Variants in EXOC6B observed in about 807,000 individuals in gnomAD.
EXOC6B encodes exocyst complex component 6B.
A neutral mutation model predicts 113.5 loss-of-function variants in EXOC6B; 54 were observed. The ratio of observed to expected loss-of-function variants is 0.48; its 90% CI spans 0.38 to 0.60. The LOEUF is 0.60. Among genes scored for constraint, EXOC6B ranks in the 20% least tolerant of loss-of-function variants. The pLI is 0.00. For synonymous variants in EXOC6B, 357 were observed against 339.0 expected (o/e 1.05, Z -0.58); for missense variants, 797 against 977.5 (o/e 0.82, Z 2.46).
At chr2:72,248,000 T>A (rs1271103125) in intron 20 of EXOC6B, among the ~76,000 whole-genome samples, 1 of 152,152 alleles carries the variant, frequency 6.6e-6, no homozygotes, top group Non-Finnish European at 1.5e-5. Flanking sequence ...CACCAAAGAT[T>A]CTATAATAAT....
Position 72,496,524 on chromosome 2 carries a change from G to C in EXOC6B, c.1373C>G (p.Pro458Arg). Residue 458 changes from proline to arginine, a missense_variant, in exon 14 of 22, where the codon CCA becomes CGA. Coordinates refer to ENST00000272427, the MANE Select transcript of EXOC6B (RefSeq NM_015189.3). ...TTTGTACATCTCTTCACTTGTTACT[G>C]GTATAGGACTGTAGTTGTCAGAATC... is the stretch of plus-strand genomic sequence containing the variant. ...ILDSDNYSPIPVTSEEMYKKV... is the reference protein window; with the variant it reads ...ILDSDNYSPIRVTSEEMYKKV... The C allele has an allele frequency of 6.3e-7, 1 of 1,598,024 alleles. No homozygotes were observed. Among genetic ancestry groups the C allele is most frequent in the African/African-American group, 1.3e-5 (1 of 74,844 alleles).
chr2:72,549,941 A>G (rs1349972740), intron 8 of EXOC6B, among the ~76,000 whole-genome samples: 1 of 152,178 alleles, frequency 6.6e-6, no homozygotes, highest in Non-Finnish European at 1.5e-5. Context: ...AATGATCAAC[A>G]AAGTTGGAGC....
chr2:72,351,807 A>G (rs1689668577), intron 19 of EXOC6B, among the ~76,000 whole-genome samples: 1 of 152,162 alleles, frequency 6.6e-6, no homozygotes, highest in Non-Finnish European at 1.5e-5. Context: ...CTCTCATAAC[A>G]TAAACAGCTC....
At chr2:72,723,538 A>G (rs1680130160) in intron 5 of EXOC6B, among the ~76,000 whole-genome samples, 1 of 152,172 alleles carries the variant, frequency 6.6e-6, no homozygotes, top group Non-Finnish European at 1.5e-5. Flanking sequence ...AATTGCAACT[A>G]TCTATAAGAA....
rs187928283 is a variant in EXOC6B at position 72,620,985 on chromosome 2, T to C, written c.670-45317A>G. Among the ~76,000 whole-genome samples the C allele has an allele frequency of 7.3e-4, 111 of 152,226 alleles. 1 individual carries two copies. In the East Asian group the frequency reaches 0.016, roughly 21 times the overall value. On this transcript the variant is annotated intron_variant, in intron 6 of 21. Coordinates refer to ENST00000272427, the MANE Select transcript of EXOC6B (RefSeq NM_015189.3). Reference sequence around the variant, plus strand: ...CTTATACCAGTCAGAATGGCTATTATTTAAAAGTCAAGAAGCAACAGATAT... The same window carrying C: ...CTTATACCAGTCAGAATGGCTATTACTTAAAAGTCAAGAAGCAACAGATAT...
chr2:72,783,318 CTTTTTTTTTTTT>C (rs70963146), intron 1 of EXOC6B, among the ~76,000 whole-genome samples: 12 of 60,394 alleles, frequency 2.0e-4, no homozygotes, highest in African/African-American at 7.5e-4. Flanking sequence ...TTTTTCTTTT[CTTTTTTTTTTTT>C]TTTTTTTTTT....
chr2:72,218,668 T>C (rs535519868), intron 20 of EXOC6B, among the ~76,000 whole-genome samples: 1 of 152,226 alleles, frequency 6.6e-6, no homozygotes, highest in African/African-American at 2.4e-5. Flanking sequence ...GCCATTTCTT[T>C]TTTTGTTTGT....
At chr2:72,725,467 T>C (rs1680244182) in intron 5 of EXOC6B, among the ~76,000 whole-genome samples, 1 of 152,088 alleles carries the variant, frequency 6.6e-6, no homozygotes, top group Non-Finnish European at 1.5e-5. Context: ...CTCGGCTCAC[T>C]GCAACCTCCG....
At chr2:72,529,615 GT>G (rs954015691) in intron 8 of EXOC6B, among the ~76,000 whole-genome samples, 12 of 152,160 alleles carry the variant, frequency 7.9e-5, no homozygotes, top group African/African-American at 2.9e-4. Context: ...AGAAGTTTCT[GT>G]TTCTTTGGAT....
At chr2:72,687,262 A>G (rs1223602659) in intron 6 of EXOC6B, among the ~76,000 whole-genome samples, 1 of 152,116 alleles carries the variant, frequency 6.6e-6, no homozygotes, top group African/African-American at 2.4e-5. Context: ...TTTTCTTCAG[A>G]TGCTCAGAAA....
intron 19 of EXOC6B, among the ~76,000 whole-genome samples, chr2:72,342,028 ATAT>A (rs1472843886): frequency 2.0e-5 from 3 of 152,174 alleles, no homozygotes; most frequent in Non-Finnish European, 4.4e-5. Flanking sequence ...GAATAAAAAT[ATAT>A]TAAGACAAAT....
chr2:72,643,308 G>A (rs1390611110), intron 6 of EXOC6B, among the ~76,000 whole-genome samples: 3 of 148,336 alleles, frequency 2.0e-5, no homozygotes, highest in Admixed American at 2.0e-4. Context: ...AAAGACACAT[G>A]CACACGTATG....
intron 1 of EXOC6B, among the ~76,000 whole-genome samples, chr2:72,766,135 C>T (rs1683045974): frequency 6.6e-6 from 1 of 152,164 alleles, no homozygotes; most frequent in South Asian, 2.1e-4. Flanking sequence ...AAGGGAAGGG[C>T]TCCTAGTCAT....
At chr2:72,632,687 ATTTTT>A (rs755364038) in intron 6 of EXOC6B, among the ~76,000 whole-genome samples, 1 of 151,526 alleles carries the variant, frequency 6.6e-6, no homozygotes, top group South Asian at 2.1e-4. Context: ...GCTTCTCTCA[ATTTTT>A]TTTTATTTTT....
intron 20 of EXOC6B, among the ~76,000 whole-genome samples, chr2:72,258,920 T>C (rs1452312825): frequency 6.6e-6 from 1 of 152,194 alleles, no homozygotes; most frequent in Admixed American, 6.6e-5. Flanking sequence ...AAATCTACAA[T>C]TTACATTTTA....
intron 1 of EXOC6B, among the ~76,000 whole-genome samples, chr2:72,779,573 G>A (rs1683908472): frequency 6.6e-6 from 1 of 151,986 alleles, no homozygotes; most frequent in Admixed American, 6.6e-5. Context: ...GCATTATAGT[G>A]GCAACTATTT....
chr2:72,496,616 G>T, intron 13 of EXOC6B, 57 bp from the exon 14 acceptor site: 1 of 1,049,728 alleles, frequency 9.5e-7, no homozygotes, highest in Non-Finnish European at 1.5e-6. Flanking sequence ...GGGGGGGTAG[G>T]GGAGGGGAAC....
chr2:72,490,441 C>T (rs1208315129), intron 16 of EXOC6B, among the ~76,000 whole-genome samples: 1 of 152,024 alleles, frequency 6.6e-6, no homozygotes, highest in Non-Finnish European at 1.5e-5. Flanking sequence ...GATGATGATT[C>T]CAGATGTGAA....
At chr2:72,290,517 TA>T (rs975946929) in intron 20 of EXOC6B, among the ~76,000 whole-genome samples, 10 of 152,108 alleles carry the variant, frequency 6.6e-5, no homozygotes, top group Non-Finnish European at 1.2e-4. Flanking sequence ...ATAATATACA[TA>T]AAAATATACT....
Sources: allele counts gnomAD v4.1 joint callset (sites outside exome capture counted in the v4.1 genomes callset), GRCh38; gene constraint gnomAD v4.1.1; transcripts MANE v1.5; gene names NCBI Gene and HGNC (gene_info 2026-07-23, HGNC 2026-07-21).